Variants in XRCC1 observed in about 807,000 individuals in gnomAD.
The protein encoded by XRCC1 is X-ray repair cross complementing 1.
A neutral mutation model predicts 83.3 loss-of-function variants in XRCC1; 52 were observed. The ratio of observed to expected loss-of-function variants is 0.62; its 90% CI spans 0.50 to 0.79. The LOEUF (loss-of-function observed/expected upper bound fraction) is 0.79, where lower values mean the gene tolerates loss of function less well. Ranked by LOEUF, XRCC1 falls within the 30% of genes least tolerant of loss-of-function variation. The pLI is 0.00. For synonymous variants in XRCC1, 281 were observed against 312.6 expected, an observed-to-expected ratio of 0.90 and a Z score of 1.07; for missense variants, 793 against 823.5, an observed-to-expected ratio of 0.96 and a Z score of 0.45.
chr19:43,564,320 G>A (rs1344388918), intron 2 of XRCC1, among the ~76,000 whole-genome samples: 1 of 152,112 alleles, frequency 6.6e-6, no homozygotes, highest in Non-Finnish European at 1.5e-5. Context: ...CTCTGGCTCT[G>A]TCCTCCCTTA....
chr19:43,550,127 C>T (rs1482558251), intron 10 of XRCC1, among the ~76,000 whole-genome samples: 1 of 152,114 alleles, frequency 6.6e-6, no homozygotes, highest in African/African-American at 2.4e-5. Context: ...GCCTCTGGAG[C>T]TGGATGGGCT....
At chr19:43,557,577 C>CA (rs1972650918) in intron 3 of XRCC1, among the ~76,000 whole-genome samples, 1 of 151,792 alleles carries the variant, frequency 6.6e-6, no homozygotes, top group Non-Finnish European at 1.5e-5. Context: ...TTGGAGCTGA[C>CA]AGGGAAGCTG....
chr19:43,555,210 C>G (rs986680525), intron 3 of XRCC1: 1 of 156,332 alleles, frequency 6.4e-6, no homozygotes, highest in South Asian at 1.9e-4. Flanking sequence ...AATGAGAAAA[C>G]AGAATCCAGA....
At chr19:43,545,465 G>A (rs770324095) in intron 14 of XRCC1, among the ~76,000 whole-genome samples, 2 of 152,180 alleles carry the variant, frequency 1.3e-5, no homozygotes, top group Non-Finnish European at 2.9e-5. Context: ...TGGTGTGCCC[G>A]GCTTCACCCC....
At chr19:43,561,428 G>A (rs1972698108) in intron 2 of XRCC1, among the ~76,000 whole-genome samples, 1 of 152,226 alleles carries the variant, frequency 6.6e-6, no homozygotes. Context: ...ACCTCCCTGA[G>A]GGCAGGGGCT....
intron 15 of XRCC1, among the ~76,000 whole-genome samples, chr19:43,543,936 G>T (rs146688273): frequency 2.6e-5 from 4 of 152,272 alleles, no homozygotes; most frequent in Non-Finnish European, 5.9e-5. Context: ...CCATACAGAA[G>T]AGGAAACTGA....
intron 10 of XRCC1, among the ~76,000 whole-genome samples, chr19:43,550,716 C>T (rs1972566119): frequency 6.6e-6 from 1 of 152,190 alleles, no homozygotes; most frequent in Non-Finnish European, 1.5e-5. Context: ...ACCTACAACT[C>T]CAGGCAGACA....
At chr19:43,548,784 A>AAAAAAAAAAAAAAAAAAAAAC (rs752610644) in intron 10 of XRCC1, among the ~76,000 whole-genome samples, 5 of 142,182 alleles carry the variant, frequency 3.5e-5, no homozygotes, top group African/African-American at 1.1e-4. Context: ...AAAAAAAAAA[A>AAAAAAAAAAAAAAAAAAAAAC]AACACAACAG....
At chr19:43,564,187 A>G (rs1409296063) in intron 2 of XRCC1, among the ~76,000 whole-genome samples, 1 of 152,228 alleles carries the variant, frequency 6.6e-6, no homozygotes, top group Non-Finnish European at 1.5e-5. Flanking sequence ...CATAAATGTC[A>G]GCTGCGAATA....
At position 43,543,366 on chromosome 19, in the gene XRCC1, G is replaced by T. The variant is rs1471533059; in HGVS notation, c.*26C>A. ...CGTGTGTGTGTGTGTGTGTGTGTGTGTGTGTGTGTGTGTATAGCACATACT... is the reference window on the plus strand; with the variant it reads ...CGTGTGTGTGTGTGTGTGTGTGTGTTTGTGTGTGTGTGTATAGCACATACT... On this transcript the variant is annotated 3_prime_UTR_variant, in exon 17 of 17. Coordinates refer to ENST00000262887, the MANE Select transcript of XRCC1 (RefSeq NM_006297.3). 14 of 1,414,558 alleles carry T rather than the reference G, an allele frequency of 9.9e-6. No individual in the cohort carries two copies. The highest frequency in any genetic ancestry group is 1.7e-5 in the Admixed American group (1 of 58,004). The allele number at this position is 1,414,558 out of a possible 1,614,324, so 87.6% of individuals were successfully genotyped here. A position where few individuals can be genotyped will look rare whatever the true frequency, so the allele number is the denominator to read the frequency against.
In XRCC1 at chr19:43,545,768, G is replaced by A. The variant is rs138368470; in HGVS notation, c.1621+50C>T. On this transcript the variant is annotated intron_variant, in intron 14 of 16. Transcript: ENST00000262887. ...GCTGGCCAGGGCAAGTCCCAGCTGA[G>A]AACTGAGAAGAGAAAATGCCACTTC... 1.9e-5 allele frequency: 30 copies of A among 1,602,480 alleles called. 1 individual carries two copies. In the Middle Eastern group the frequency reaches 1.3e-3, roughly 71 times the overall value.
At chr19:43,570,590 G>C (rs1010765506) in intron 2 of XRCC1, among the ~76,000 whole-genome samples, 2 of 152,172 alleles carry the variant, frequency 1.3e-5, no homozygotes, top group African/African-American at 4.8e-5. Context: ...CCGAGACCAG[G>C]CTGGGCAACA....
intron 10 of XRCC1, among the ~76,000 whole-genome samples, chr19:43,548,090 C>CCCCGTCGGGGAGGGAGGTGGGGGGCCAG (rs1568512024): frequency 7.4e-6 from 1 of 134,894 alleles, no homozygotes; most frequent in African/African-American, 2.8e-5. Flanking sequence ...GGGCCAGCCG[C>CCCCGTCGGGGAGGGAGGTGGGGGGCCAG]CCCATCCGGG....
intron 1 of XRCC1, among the ~76,000 whole-genome samples, 160 bp from the exon 2 acceptor site, chr19:43,575,162 C>A (rs190509430): frequency 8.7e-4 from 133 of 152,314 alleles, no homozygotes; most frequent in African/African-American, 3.0e-3. Flanking sequence ...TCCCCTACAA[C>A]ACTTTCCCGT....
intron 2 of XRCC1, among the ~76,000 whole-genome samples, chr19:43,568,503 A>G (rs77121181): frequency 0.028 from 4,314 of 152,098 alleles, 82 homozygotes; most frequent in South Asian, 0.048. Context: ...TCTCAAAGTA[A>G]GTAAGTAAGT....
At chr19:43,553,347 C>G (rs1972601486) in intron 6 of XRCC1, 54 bp downstream of exon 6, 2 of 1,576,440 alleles carry the variant, frequency 1.3e-6, no homozygotes, top group Non-Finnish European at 1.7e-6. Flanking sequence ...CCCTCAGACC[C>G]ACGAGTCTAG....
chr19:43,570,406 A>G (rs758724269), intron 2 of XRCC1, among the ~76,000 whole-genome samples: 3 of 152,250 alleles, frequency 2.0e-5, no homozygotes, highest in Non-Finnish European at 4.4e-5. Context: ...TGGGGCTGTC[A>G]TAAGCAGATG....
At chr19:43,549,752 C>T (rs958847873) in intron 10 of XRCC1, among the ~76,000 whole-genome samples, 1 of 151,614 alleles carries the variant, frequency 6.6e-6, no homozygotes, top group East Asian at 2.0e-4. Context: ...GGGATGGGGT[C>T]TCACCACGTT....
chr19:43,552,016 C>T lies in XRCC1; in HGVS notation c.1082+1G>A, dbSNP rs1972581426. 2 of 1,613,736 alleles carry T rather than the reference C, an allele frequency of 1.2e-6. No individual in the cohort carries two copies. The highest frequency in any genetic ancestry group is 1.1e-5 in the South Asian group (1 of 91,086). ...GCGCAGGGAGGGGGGCGCAAGCCTACATGAGGTGCGTGCTGTCCCGGGTCC... is the reference window on the plus strand; with the variant it reads ...GCGCAGGGAGGGGGGCGCAAGCCTATATGAGGTGCGTGCTGTCCCGGGTCC... On this transcript the variant is annotated splice_donor_variant, in intron 9 of 16. Coordinates refer to ENST00000262887, the MANE Select transcript of XRCC1 (RefSeq NM_006297.3). LOFTEE classifies it high-confidence loss of function.
Sources: gnomAD v4.1 joint callset for allele counts (sites outside exome capture counted in the v4.1 genomes callset) on GRCh38, gnomAD v4.1.1 for gene constraint, MANE v1.5 for transcripts, NCBI Gene and HGNC (gene_info 2026-07-23, HGNC 2026-07-21) for gene names.